The following TFEC variants were observed in gnomAD, a reference collection of about 807,000 sequenced individuals.
TFEC encodes the protein class E basic helix-loop-helix protein 34.
A neutral mutation model predicts 41.6 loss-of-function variants in TFEC; 31 were observed. The observed-to-expected ratio is 0.74, with a 90% CI of 0.56 to 1.01. The LOEUF (loss-of-function observed/expected upper bound fraction) is 1.01, where lower values mean the gene tolerates loss of function less well. Ranked by LOEUF, TFEC falls within the 50% of genes least tolerant of loss-of-function variation. The probability of loss-of-function intolerance (pLI) is 0.00; values close to 1 mark genes in which losing one functional copy is unlikely to be tolerated. For synonymous variants in TFEC, 143 were observed against 140.6 expected, an observed-to-expected ratio of 1.02 and a Z score of -0.12; for missense variants, 402 against 404.1, an observed-to-expected ratio of 0.99 and a Z score of 0.04.
intron 3 of TFEC, among the ~76,000 whole-genome samples, chr7:116,043,409 A>G (rs1796087188): frequency 6.6e-6 from 1 of 152,186 alleles, no homozygotes; most frequent in Non-Finnish European, 1.5e-5. Flanking sequence ...AGCAAAGGTC[A>G]TACAAATGGG....
intron 1 of TFEC, among the ~76,000 whole-genome samples, chr7:116,009,000 A>G (rs1241583789): frequency 1.3e-5 from 2 of 152,198 alleles, no homozygotes. Flanking sequence ...AAAAGACATG[A>G]GTATTATTAA....
chr7:116,092,770 CA>C (rs1797358942), intron 3 of TFEC, among the ~76,000 whole-genome samples: 1 of 152,090 alleles, frequency 6.6e-6, no homozygotes, highest in Admixed American at 6.6e-5. Flanking sequence ...TTACCCATAT[CA>C]GGGGTGAAAA....
intron 1 of TFEC, among the ~76,000 whole-genome samples, chr7:115,989,393 G>C (rs1445077583): frequency 6.6e-6 from 1 of 152,188 alleles, no homozygotes; most frequent in Admixed American, 6.5e-5. Context: ...TCTCACTGGG[G>C]CTTGTCAGAC....
intron 5 of TFEC, among the ~76,000 whole-genome samples, chr7:115,954,311 T>A (rs971135102): frequency 6.6e-6 from 1 of 152,066 alleles, no homozygotes; most frequent in African/African-American, 2.4e-5. Context: ...CACAACAGAA[T>A]TCAAATGTAA....
At chr7:116,104,775 T>A (rs1371865281) in intron 3 of TFEC, among the ~76,000 whole-genome samples, 2 of 151,788 alleles carry the variant, frequency 1.3e-5, no homozygotes, top group Non-Finnish European at 2.9e-5. Flanking sequence ...AAGCTAAAGT[T>A]TTAAGAGGTC....
chr7:116,005,575 G>T (rs549441078), intron 1 of TFEC, among the ~76,000 whole-genome samples: 27 of 152,190 alleles, frequency 1.8e-4, no homozygotes, highest in Non-Finnish European at 3.2e-4. Flanking sequence ...GGTGACTTGG[G>T]TGCTGTTAAA....
chr7:115,998,990 A>C (rs995031380), intron 1 of TFEC, among the ~76,000 whole-genome samples: 1 of 152,066 alleles, frequency 6.6e-6, no homozygotes, highest in African/African-American at 2.4e-5. Flanking sequence ...TAAACCTAAT[A>C]GATATTTACA....
rs554067825 is a variant in TFEC, at chr7:115,958,687, A to G, written c.268-1894T>C. On this transcript the variant is annotated intron_variant, in intron 3 of 7. Transcript: ENST00000265440. The stretch of plus-strand genomic sequence containing the variant: ...CATTATTCCTTAGAAATGGGGTTTA[A>G]ATTCTGATAATGAATCTAATCCGGC... Among the ~76,000 whole-genome samples the G allele has an allele frequency of 9.2e-5, 14 of 151,970 alleles. No individual in the cohort carries two copies. In the South Asian group the frequency reaches 2.9e-3, roughly 32 times the overall value.
chr7:116,131,714 T>C (rs1037920460), intron 1 of TFEC, among the ~76,000 whole-genome samples: 5 of 152,200 alleles, frequency 3.3e-5, no homozygotes. Flanking sequence ...TCAAGTATTG[T>C]TCCATCTTGT....
chr7:115,958,663 A>T (rs995473269), intron 3 of TFEC, among the ~76,000 whole-genome samples: 1 of 151,906 alleles, frequency 6.6e-6, no homozygotes, highest in African/African-American at 2.4e-5. Flanking sequence ...CACCCAGTGC[A>T]TTATTCCTTA....
At chr7:115,989,666 G>A (rs1304433685) in intron 1 of TFEC, among the ~76,000 whole-genome samples, 1 of 152,208 alleles carries the variant, frequency 6.6e-6, no homozygotes, top group African/African-American at 2.4e-5. Flanking sequence ...GCGGCAGCGA[G>A]GCTTGGGGAG....
chr7:116,106,424 C>T (rs1350176257), intron 3 of TFEC, among the ~76,000 whole-genome samples: 1 of 152,040 alleles, frequency 6.6e-6, no homozygotes, highest in East Asian at 1.9e-4. Context: ...TTGCTGTCAC[C>T]CAAGCTGGAG....
chr7:116,091,942 A>G (rs1218760026), intron 3 of TFEC, among the ~76,000 whole-genome samples: 2 of 152,076 alleles, frequency 1.3e-5, no homozygotes, highest in Non-Finnish European at 2.9e-5. Flanking sequence ...GCCAAACTGA[A>G]TCTCTCAAAC....
intron 3 of TFEC, among the ~76,000 whole-genome samples, chr7:116,058,728 GA>G (rs1332354335): frequency 6.6e-6 from 1 of 151,622 alleles, no homozygotes; most frequent in Non-Finnish European, 1.5e-5. Flanking sequence ...TAAACAAACA[GA>G]AGTATTCCTG....
chr7:115,993,157 C>T (rs1167884609), intron 1 of TFEC, among the ~76,000 whole-genome samples: 4 of 152,136 alleles, frequency 2.6e-5, no homozygotes, highest in East Asian at 1.9e-4. Context: ...AATTCAATAG[C>T]CCTTCATGCT....
chr7:116,126,856 G>A (rs1798220853), intron 1 of TFEC, among the ~76,000 whole-genome samples: 1 of 151,784 alleles, frequency 6.6e-6, no homozygotes, highest in South Asian at 2.1e-4. Context: ...CTGTCCCCTG[G>A]GTACACAAAA....
chr7:116,000,030 A>C (rs1344737797), intron 1 of TFEC, among the ~76,000 whole-genome samples: 2 of 152,134 alleles, frequency 1.3e-5, no homozygotes, highest in Non-Finnish European at 2.9e-5. Context: ...AGAAAACTAC[A>C]GGCCACTATC....
At chr7:116,097,330 A>G (rs1797489072) in intron 3 of TFEC, among the ~76,000 whole-genome samples, 1 of 152,144 alleles carries the variant, frequency 6.6e-6, no homozygotes, top group Non-Finnish European at 1.5e-5. Flanking sequence ...TACATTTACT[A>G]TGTTTTCTCC....
chr7:115,936,655 C>A lies in TFEC; in HGVS notation c.*3896G>T, dbSNP rs1793241112. ...AAAATTCCTATATGACTCAGTTTTT[C>A]AAAATAAAATAAAAATATATTCCTT... is the stretch of plus-strand genomic sequence containing the variant. On this transcript the variant is annotated 3_prime_UTR_variant, in exon 8 of 8. Coordinates refer to ENST00000265440, the MANE Select transcript of TFEC (RefSeq NM_012252.4). 6.6e-6 allele frequency: 1 copy of A among 151,416 alleles called. No individual in the cohort carries two copies. 9.4% of individuals were successfully genotyped at this position (151,416 alleles called of 1,614,324 possible).
Sources: allele counts gnomAD v4.1 joint callset (sites outside exome capture counted in the v4.1 genomes callset), GRCh38; gene constraint gnomAD v4.1.1; transcripts MANE v1.5; gene names NCBI Gene and HGNC (gene_info 2026-07-23, HGNC 2026-07-21).